The following DMBT1 variants were observed in gnomAD, a reference collection of about 807,000 sequenced individuals.
DMBT1 encodes the protein scavenger receptor cysteine-rich domain-containing protein DMBT1.
In DMBT1, 198 loss-of-function variants were observed where a neutral mutation model predicts 252.9. That is an observed-to-expected ratio of 0.78 (90% confidence interval 0.70 to 0.88). The LOEUF is 0.88. DMBT1 is among the 40% of genes least tolerant of loss of function. DMBT1 has a pLI of 0.00. For synonymous variants in DMBT1, 990 were observed against 942.7 expected, an observed-to-expected ratio of 1.05 and a Z score of -0.92; for missense variants, 2,432 against 2,404.7, an observed-to-expected ratio of 1.01 and a Z score of -0.24.
At chr10:122,597,556 C>T (rs1322843063) in intron 24 of DMBT1, among the ~76,000 whole-genome samples, 3 of 152,194 alleles carry the variant, frequency 2.0e-5, no homozygotes, top group Non-Finnish European at 4.4e-5. Flanking sequence ...AGGCCATGCT[C>T]GGGCAGGGAG....
intron 27 of DMBT1, 115 bp downstream of exon 27, chr10:122,600,208 T>C: frequency 1.4e-6 from 2 of 1,412,776 alleles, no homozygotes. Flanking sequence ...GCATATTATT[T>C]CTACCCCCAA....
rs1200834658 is a variant in DMBT1 at position 122,630,360 on chromosome 10, G to C, written c.5895G>C (p.Leu1965=). The C allele has an allele frequency of 6.2e-7, 1 of 1,614,018 alleles. No homozygotes were observed. Among genetic ancestry groups the C allele is most frequent in the Admixed American group, 1.7e-5 (1 of 60,026 alleles). ...ATGGATCATTGAATAGCAGTCTCCT[G>C]CTGGGGAAAATCTGTAATGATACCA... ...IFDGSLNSSL[L]LGKICNDTRQ... is the part of the protein sequence containing the mutation. Residue 1965 remains leucine (L), a synonymous_variant, in exon 48 of 56, where the codon CTG becomes CTC. Coordinates refer to ENST00000338354, the MANE Select transcript of DMBT1 (RefSeq NM_001377530.1).
Position 122,590,683 on chromosome 10 carries a change from C to T in DMBT1, c.2126C>T (p.Thr709Met), listed in dbSNP as rs1021859406. The T allele has an allele frequency of 1.9e-5, 30 of 1,587,772 alleles. 2 individuals are homozygous for T. Among genetic ancestry groups the T allele is most frequent in the Non-Finnish European group, 2.1e-5 (24 of 1,165,420 alleles). The change falls in exon 18 of 56, where the codon ACG (threonine) becomes ATG (methionine). Residue 709 changes from threonine to methionine, a missense_variant. Thr to Met is a moderately conservative substitution (Grantham distance 81). Coordinates refer to ENST00000338354, the MANE Select transcript of DMBT1 (RefSeq NM_001377530.1). ...VICSAAQSRS[T>M]PRPDTLSTIT... ...CTCACAGCTGCCCAGTCCCGGTCGA[C>T]GCCCAGGCCAGGTGAGTCCCCAGTG... is the stretch of plus-strand genomic sequence containing the variant.
intron 42 of DMBT1, 107 bp downstream of exon 42, chr10:122,619,444 A>T: frequency 6.8e-7 from 1 of 1,470,678 alleles, no homozygotes; most frequent in Non-Finnish European, 9.4e-7. Context: ...ACTGTGGGGC[A>T]TATTATTTTT....
At chr10:122,623,329 C>T (rs542214360) in intron 44 of DMBT1, among the ~76,000 whole-genome samples, 18 of 152,292 alleles carry the variant, frequency 1.2e-4, no homozygotes, top group Middle Eastern at 3.4e-3. Flanking sequence ...GGGTTGCTTC[C>T]ATCTTTTGGC....
chr10:122,599,190 T>C (rs2097915208), intron 26 of DMBT1, 93 bp downstream of exon 26: 1 of 1,589,464 alleles, frequency 6.3e-7, no homozygotes, highest in Admixed American at 1.8e-5. Flanking sequence ...ACTCAAAGCT[T>C]CTTCTATGTT....
Position 122,593,593 on chromosome 10 carries a change from G to A in DMBT1, c.2525G>A (p.Ser842Asn), listed in dbSNP as rs369513067. ...GTTTCCCAGTCCCGGCCGACACCCA[G>A]TCCAGGTAGGTCCCCAGTGTCCTTC... Reference protein sequence around the residue: ...CSVSQSRPTPSPDTWPTSHAS... With the variant: ...CSVSQSRPTPNPDTWPTSHAS... Residue 842 changes from serine (S) to asparagine (N), a missense_variant, in exon 21 of 56, where the codon AGT (serine) becomes AAT (asparagine). Physicochemically the swap from Ser to Asn is conservative, Grantham distance 46. Around this residue, in one of 3 missense-constraint regions of DMBT1, gnomAD observed 1,264 missense variants for 1,082.2 expected, o/e 1.17. Transcript: ENST00000338354. 1.3e-6 allele frequency: 2 copies of A among 1,587,332 alleles called. 1 individual carries two copies. The highest frequency in any genetic ancestry group is 1.7e-6 in the Non-Finnish European group (2 of 1,164,864).
intron 44 of DMBT1, among the ~76,000 whole-genome samples, chr10:122,621,694 G>A (rs1226559686): frequency 6.6e-6 from 1 of 152,180 alleles, no homozygotes; most frequent in Non-Finnish European, 1.5e-5. Context: ...CACTGGGTGA[G>A]GGTATGGTGG....
intron 54 of DMBT1, 44 bp downstream of exon 54, chr10:122,637,356 T>C (rs1181714698): frequency 2.0e-6 from 3 of 1,536,880 alleles, no homozygotes. Context: ...GCACAAGCTT[T>C]CTTAGAGCGG....
chr10:122,577,659 C>T (rs777012278), intron 7 of DMBT1, among the ~76,000 whole-genome samples, 152 bp from the exon 8 acceptor site: 12 of 152,210 alleles, frequency 7.9e-5, no homozygotes, highest in East Asian at 1.9e-4. Context: ...CCTGAGGGAC[C>T]GAGGGCTTCA....
At position 122,576,434 on chromosome 10, in the gene DMBT1, G is replaced by A. The variant is rs199646897; in HGVS notation, c.319G>A (p.Gly107Arg). The A allele has an allele frequency of 1.1e-5, 17 of 1,613,956 alleles. No individual in the cohort carries two copies. The African/African-American group carries it at 1.9e-4, about 18-fold the overall frequency. ...DSGLALRLVNGDGRCQGRVEI... is the reference protein window; with the variant it reads ...DSGLALRLVNRDGRCQGRVEI... ...TGGTTTGGCCCTGAGGCTGGTGAAT[G>A]GAGATGGCAGGTGTCAGGGCCGAGT... The change falls in exon 7 of 56, where the codon GGA (glycine) becomes AGA (arginine). Residue 107 changes from glycine to arginine, a missense_variant. Around this residue, in one of 3 missense-constraint regions of DMBT1, gnomAD observed 1,264 missense variants for 1,082.2 expected, o/e 1.17. Coordinates refer to ENST00000338354, the MANE Select transcript of DMBT1 (RefSeq NM_001377530.1).
rs181861698 is a variant in DMBT1 at position 122,637,760 on chromosome 10, C to T, written c.6942+448C>T. On this transcript the variant is annotated intron_variant, in intron 54 of 55. Coordinates refer to ENST00000338354, the MANE Select transcript of DMBT1 (RefSeq NM_001377530.1). ...TGGCTGTGCAAACACATTGCTAGGCCTTGGAGGAGGCCTGCACATTGCAGT... is the reference window on the plus strand; with the variant it reads ...TGGCTGTGCAAACACATTGCTAGGCTTTGGAGGAGGCCTGCACATTGCAGT... 7.9e-4 allele frequency among the ~76,000 whole-genome samples: 121 copies of T among 152,332 alleles called. 3 individuals are homozygous for T. Among genetic ancestry groups the T allele is most frequent in the Non-Finnish European group, 2.5e-4 (17 of 68,022 alleles).
At chr10:122,634,853 G>A (rs1432758288) in intron 52 of DMBT1, among the ~76,000 whole-genome samples, 1 of 152,190 alleles carries the variant, frequency 6.6e-6, no homozygotes, top group Non-Finnish European at 1.5e-5. Context: ...AGCTAACTGT[G>A]AAGAGGCACC....
In DMBT1 at chr10:122,589,764, A is replaced by G. The variant is rs143443625; in HGVS notation, c.2107+497A>G. Among the ~76,000 whole-genome samples the G allele has an allele frequency of 2.0e-4, 29 of 148,438 alleles. 5 individuals are homozygous for G. The East Asian group carries it at 6.0e-3, about 31-fold the overall frequency. On this transcript the variant is annotated intron_variant, in intron 17 of 55. Coordinates refer to ENST00000338354, the MANE Select transcript of DMBT1 (RefSeq NM_001377530.1). Reference sequence around the variant, plus strand: ...AGGAAGCAAGAGAGGGCAAGAAGGAAGGCCCAGGCTCTTTTCAACCACCAG... The same window carrying G: ...AGGAAGCAAGAGAGGGCAAGAAGGAGGGCCCAGGCTCTTTTCAACCACCAG...
Position 122,573,700 on chromosome 10 carries a change from T to C in DMBT1, c.236-15T>C. The C allele has an allele frequency of 6.2e-7, 1 of 1,613,872 alleles. No individual in the cohort carries two copies. Among genetic ancestry groups the C allele is most frequent in the Non-Finnish European group, 8.5e-7 (1 of 1,179,816 alleles). Reference sequence around the variant, plus strand: ...GGGCTACGATCAATGAGCTCTTCCTTTCTCCACCCTGCAGGTTCTCTGATT... The same window carrying C: ...GGGCTACGATCAATGAGCTCTTCCTCTCTCCACCCTGCAGGTTCTCTGATT... On this transcript the variant is annotated splice_polypyrimidine_tract_variant and intron_variant, in intron 5 of 55. Transcript: ENST00000338354.
At position 122,590,279 on chromosome 10, in the gene DMBT1, C is replaced by T. The variant is rs1049000303; in HGVS notation, c.2108-386C>T. On this transcript the variant is annotated intron_variant, in intron 17 of 55. Coordinates refer to ENST00000338354, the MANE Select transcript of DMBT1 (RefSeq NM_001377530.1). ...AGTCAGGTGTAGGGCGGGCAGTGCC[C>T]ATTAGGGCTGCTGAGCAAAGCCTTG... 3.4e-5 allele frequency among the ~76,000 whole-genome samples: 5 copies of T among 148,896 alleles called. 1 individual carries two copies. The highest frequency in any genetic ancestry group is 7.5e-5 in the Non-Finnish European group (5 of 66,814).
At chr10:122,576,897 G>A (rs986340840) in intron 7 of DMBT1, among the ~76,000 whole-genome samples, 175 bp downstream of exon 7, 1 of 152,220 alleles carries the variant, frequency 6.6e-6, no homozygotes, top group East Asian at 1.9e-4. Flanking sequence ...CCATTCTGGG[G>A]ACAGACTGTA....
At chr10:122,591,641 TG>T in intron 19 of DMBT1, 124 bp downstream of exon 19, 1 of 1,123,312 alleles carries the variant, frequency 8.9e-7, no homozygotes, top group Non-Finnish European at 1.3e-6. Flanking sequence ...GTGCGCTGAG[TG>T]GGAGGAAGTT....
At position 122,586,141 on chromosome 10, in the gene DMBT1, C is replaced by T. The variant is rs1039580642; in HGVS notation, c.1541C>T (p.Ser514Phe). Residue 514 changes from serine (S) to phenylalanine (F), a missense_variant, in exon 16 of 56, where the codon TCC (serine) becomes TTC (phenylalanine). By Grantham distance (155) the Ser-to-Phe change is radical. This residue lies in a region of DMBT1 where 1,264 missense variants were observed against 1,082.2 expected (regional missense o/e 1.17). Coordinates refer to ENST00000338354, the MANE Select transcript of DMBT1 (RefSeq NM_001377530.1). ...QGRVEVLYRG[S>F]WGTVCDDSWD... ...CGAGTGGAGGTCCTATACCGAGGCTCCTGGGGCACCGTGTGTGATGACAGC... is the reference window on the plus strand; with the variant it reads ...CGAGTGGAGGTCCTATACCGAGGCTTCTGGGGCACCGTGTGTGATGACAGC... 7.6e-6 allele frequency: 12 copies of T among 1,589,002 alleles called. No homozygotes were observed. The highest frequency in any genetic ancestry group is 1.0e-5 in the Non-Finnish European group (12 of 1,166,102).
Sources: allele counts gnomAD v4.1 joint callset (sites outside exome capture counted in the v4.1 genomes callset), GRCh38; gene constraint gnomAD v4.1.1; regional missense constraint gnomAD v4.1.1; transcripts MANE v1.5; gene names NCBI Gene and HGNC (gene_info 2026-07-23, HGNC 2026-07-21).